Variants in PALLD observed in about 807,000 individuals in gnomAD.
PALLD encodes palladin, cytoskeletal associated protein.
Under a neutral mutation model 123.5 loss-of-function variants are expected in PALLD, and 61 were observed. The observed-to-expected ratio is 0.49, with a 90% CI of 0.40 to 0.61. The LOEUF is 0.61. PALLD is among the 20% of genes least tolerant of loss of function. The pLI is 0.00. For missense variants in PALLD, 1,273 were observed against 1,377.0 expected, an observed-to-expected ratio of 0.92 and a Z score of 1.20; for synonymous variants, 465 against 496.4, an observed-to-expected ratio of 0.94 and a Z score of 0.84.
intron 10 of PALLD, among the ~76,000 whole-genome samples, chr4:168,888,838 G>A (rs924077557): frequency 5.3e-5 from 8 of 152,142 alleles, no homozygotes. Flanking sequence ...ATTCAGCAAG[G>A]AAACAAAGGG....
At chr4:168,725,662 G>A (rs1329743319) in intron 10 of PALLD, among the ~76,000 whole-genome samples, 1 of 151,614 alleles carries the variant, frequency 6.6e-6, no homozygotes, top group African/African-American at 2.4e-5. Flanking sequence ...GAGTAGCTGG[G>A]ACTACAGGCA....
chr4:168,762,428 G>C (rs1173592695), intron 10 of PALLD, among the ~76,000 whole-genome samples: 4 of 152,094 alleles, frequency 2.6e-5, no homozygotes, highest in Non-Finnish European at 5.9e-5. Context: ...AGCCAAGATT[G>C]TGCCTGTGCA....
rs1166653869 is a variant in PALLD, at chr4:168,511,737, A to G, written c.233A>G (p.His78Arg). The G allele has an allele frequency of 1.2e-6, 2 of 1,614,180 alleles. No individual in the cohort carries two copies. Among genetic ancestry groups the G allele is most frequent in the Non-Finnish European group, 1.7e-6 (2 of 1,180,024 alleles). The change falls in exon 2 of 22, where the codon CAT becomes CGT. Residue 78 changes from histidine (H) to arginine (R), a missense_variant. By Grantham distance (29) the His-to-Arg change is conservative. Around this residue, in one of 2 missense-constraint regions of PALLD, gnomAD observed 944 missense variants for 954.5 expected, o/e 0.99. Coordinates refer to ENST00000505667, the MANE Select transcript of PALLD (RefSeq NM_001166108.2). The part of the protein sequence containing the change: ...FSTSPASLCE[H>R]PSHKETKLGE... ...ACTTCTCCTGCAAGCCTCTGTGAAC[A>G]TCCTTCCCATAAGGAGACCAAATTG...
Position 168,687,059 on chromosome 4 carries a change from C to T in PALLD, c.1335+1500C>T, listed in dbSNP as rs192621808. On this transcript the variant is annotated intron_variant, in intron 6 of 21. Transcript: ENST00000505667. Reference sequence around the variant, plus strand: ...TATCCAGTTGGACTCCTACCTCATACTTTTCACGACAAACAATTCCTAGTA... The same window carrying T: ...TATCCAGTTGGACTCCTACCTCATATTTTTCACGACAAACAATTCCTAGTA... 7.1e-3 allele frequency among the ~76,000 whole-genome samples: 1,077 copies of T among 152,308 alleles called. 10 individuals carry two copies. Among genetic ancestry groups the T allele is most frequent in the Middle Eastern group, 0.014 (4 of 294 alleles).
intron 2 of PALLD, among the ~76,000 whole-genome samples, chr4:168,661,342 T>C (rs1170443269): frequency 6.6e-6 from 1 of 152,230 alleles, no homozygotes; most frequent in East Asian, 1.9e-4. Flanking sequence ...GAAACCTGGC[T>C]TAGCTGACAT....
chr4:168,763,584 G>A lies in PALLD; in HGVS notation c.1964+51661G>A, dbSNP rs145842204. Among the ~76,000 whole-genome samples, 1,119 of 152,272 alleles carry A rather than the reference G, an allele frequency of 7.3e-3. 5 individuals are homozygous for A. Among genetic ancestry groups the A allele is most frequent in the Middle Eastern group, 0.024 (7 of 292 alleles). ...CCACACACTTACAGAAAAGACACTA[G>A]GAGATGAGCAGAAGGTGTTTCCCTG... On this transcript the variant is annotated intron_variant, in intron 10 of 21. Coordinates refer to ENST00000505667, the MANE Select transcript of PALLD (RefSeq NM_001166108.2).
At chr4:168,527,607 T>G (rs1764196451) in intron 2 of PALLD, among the ~76,000 whole-genome samples, 1 of 152,066 alleles carries the variant, frequency 6.6e-6, no homozygotes, top group South Asian at 2.1e-4. Context: ...AGAATTGTGT[T>G]AAGATTATTA....
intron 10 of PALLD, among the ~76,000 whole-genome samples, chr4:168,859,771 A>G (rs1749165198): frequency 6.6e-6 from 1 of 152,228 alleles, no homozygotes; most frequent in African/African-American, 2.4e-5. Flanking sequence ...ACTGTACAGT[A>G]GAAACAGAAT....
rs146985870 is a variant in PALLD, at chr4:168,712,208, G to A, written c.1964+285G>A. 1,198 of 517,112 alleles carry A rather than the reference G, an allele frequency of 2.3e-3. 1 individual carries two copies. The highest frequency in any genetic ancestry group is 3.4e-3 in the Non-Finnish European group (980 of 287,450). 32.0% of individuals were successfully genotyped at this position (517,112 alleles called of 1,614,324 possible). A position where few individuals can be genotyped will look rare whatever the true frequency, so the allele number is the denominator to read the frequency against. On this transcript the variant is annotated intron_variant, in intron 10 of 21. Transcript: ENST00000505667. ...CTTCCAACATACAGCTAAGGATGTA[G>A]CCACTCCCTGGAGGCCATGGAAAAG...
chr4:168,806,865 T>G (rs895095681), intron 10 of PALLD, among the ~76,000 whole-genome samples: 3 of 152,184 alleles, frequency 2.0e-5, no homozygotes, highest in Admixed American at 6.5e-5. Flanking sequence ...TATAGAGATG[T>G]GTGTGTATAT....
chr4:168,668,239 C>T lies in PALLD; in HGVS notation c.958C>T (p.His320Tyr), dbSNP rs747696016. Reference protein sequence around the residue: ...ELHNTPDIQIHCEGGDLHTLI... With the variant: ...ELHNTPDIQIYCEGGDLHTLI... Reference sequence around the variant, plus strand: ...GCACAACACTCCTGATATTCAAATCCACTGTGAGGGAGGGGACCTCCATAC... The same window carrying T: ...GCACAACACTCCTGATATTCAAATCTACTGTGAGGGAGGGGACCTCCATAC... Residue 320 changes from histidine (H) to tyrosine (Y), a missense_variant, in exon 3 of 22, where the codon CAC becomes TAC. This residue lies in a region of PALLD where 944 missense variants were observed against 954.5 expected (regional missense o/e 0.99). Coordinates refer to ENST00000505667, the MANE Select transcript of PALLD (RefSeq NM_001166108.2). 1.9e-6 allele frequency: 3 copies of T among 1,613,964 alleles called. No homozygotes were observed. Among genetic ancestry groups the T allele is most frequent in the Admixed American group, 1.7e-5 (1 of 60,004 alleles).
chr4:168,518,122 C>G (rs927204235), intron 2 of PALLD, among the ~76,000 whole-genome samples: 1 of 152,088 alleles, frequency 6.6e-6, no homozygotes, highest in Non-Finnish European at 1.5e-5. Flanking sequence ...GGAAAAAAAC[C>G]TTGAAGCCAT....
intron 17 of PALLD, among the ~76,000 whole-genome samples, chr4:168,917,901 G>A (rs892198916): frequency 5.3e-5 from 8 of 151,858 alleles, no homozygotes; most frequent in Admixed American, 1.3e-4. Context: ...TTATATATCC[G>A]AGGAAAATGA....
chr4:168,631,584 C>T, intron 2 of PALLD: 2 of 985,130 alleles, frequency 2.0e-6, no homozygotes, highest in Non-Finnish European at 2.4e-6. Flanking sequence ...CGACACACTC[C>T]GCGCACACGC....
intron 10 of PALLD, among the ~76,000 whole-genome samples, chr4:168,785,042 T>C (rs543611614): frequency 3.4e-5 from 5 of 148,444 alleles, no homozygotes; most frequent in African/African-American, 1.2e-4. Flanking sequence ...AAGCCCCAGC[T>C]TTTTTCTCCC....
chr4:168,572,841 A>G (rs1431950580), intron 2 of PALLD, among the ~76,000 whole-genome samples: 3 of 151,098 alleles, frequency 2.0e-5, no homozygotes, highest in African/African-American at 7.3e-5. Context: ...TGTGCTCCAT[A>G]TAATGGTCAG....
intron 10 of PALLD, among the ~76,000 whole-genome samples, chr4:168,886,754 T>C (rs1391093889): frequency 2.0e-5 from 3 of 152,156 alleles, no homozygotes. Flanking sequence ...GTCTTTAACA[T>C]TGTAGGAAAT....
At chr4:168,714,596 G>A (rs60850451) in intron 10 of PALLD, among the ~76,000 whole-genome samples, 8 of 151,952 alleles carry the variant, frequency 5.3e-5, no homozygotes, top group Middle Eastern at 3.4e-3. Context: ...TATTTGCCTC[G>A]TGTGGTCAGC....
intron 2 of PALLD, among the ~76,000 whole-genome samples, chr4:168,516,195 T>G (rs11722677): frequency 0.29 from 44,709 of 152,176 alleles, 6,685 homozygotes; most frequent in Non-Finnish European, 0.33. Context: ...TGAGGTAGTA[T>G]TCACATGATA....
Sources: allele counts gnomAD v4.1 joint callset (sites outside exome capture counted in the v4.1 genomes callset), GRCh38; gene constraint gnomAD v4.1.1; regional missense constraint gnomAD v4.1.1; transcripts MANE v1.5; gene names NCBI Gene and HGNC (gene_info 2026-07-23, HGNC 2026-07-21).